Variants in COLEC10 observed in about 807,000 individuals in gnomAD.
The protein encoded by COLEC10 is collectin subfamily member 10, also known as collectin-10.
COLEC10 carries 22 observed loss-of-function variants against 28.4 expected under a neutral mutation model. That is an observed-to-expected ratio of 0.78 (90% confidence interval 0.55 to 1.11). COLEC10 has a LOEUF of 1.11. COLEC10 is among the 50% of genes least tolerant of loss of function. COLEC10 has a pLI of 0.00. For missense variants in COLEC10, 361 were observed against 344.1 expected (o/e 1.05, Z -0.39); for synonymous variants, 125 against 116.1 (o/e 1.08, Z -0.49).
the COLEC10 span, among the ~76,000 whole-genome samples, chr8:118,984,380 C>T: frequency 5.9e-5 from 9 of 152,074 alleles, no homozygotes; most frequent in Admixed American, 5.3e-4. Context: ...ACAACTATTG[C>T]GTACTAGGCT....
rs565564561 is a variant in COLEC10, at chr8:119,089,276, T to C, written c.149-404T>C. On this transcript the variant is annotated intron_variant, in intron 1 of 5. Coordinates refer to ENST00000332843, the MANE Select transcript of COLEC10 (RefSeq NM_006438.5). ...GCTTCCTAGGTCATGCCTACAATTT[T>C]GGAGTTCTCAAGCATGCAGTCAGAG... is the stretch of plus-strand genomic sequence containing the variant. Among the ~76,000 whole-genome samples the C allele has an allele frequency of 1.3e-5, 2 of 152,266 alleles. 1 individual carries two copies. Among genetic ancestry groups the C allele is most frequent in the East Asian group, 3.9e-4 (2 of 5,174 alleles).
At chr8:119,065,012 T>G (rs1203959703), upstream of COLEC10, among the ~76,000 whole-genome samples, 1 of 152,162 alleles carries the variant, frequency 6.6e-6, no homozygotes, top group Non-Finnish European at 1.5e-5. Flanking sequence ...CTGTACTGCT[T>G]ATGAAAAAAT....
chr8:118,954,712 T>A, the COLEC10 span, among the ~76,000 whole-genome samples: 1 of 152,222 alleles, frequency 6.6e-6, no homozygotes, highest in Non-Finnish European at 1.5e-5. Context: ...GGTCCCACAT[T>A]GAATAGATTT....
At chr8:119,085,340 G>C (rs1380483782) in intron 1 of COLEC10, among the ~76,000 whole-genome samples, 1 of 152,070 alleles carries the variant, frequency 6.6e-6, no homozygotes, top group Non-Finnish European at 1.5e-5. Context: ...GGTTGAGGTT[G>C]GGGAAGTAAA....
At chr8:119,105,493 T>G (rs978681226) in intron 5 of COLEC10, among the ~76,000 whole-genome samples, 2 of 152,122 alleles carry the variant, frequency 1.3e-5, no homozygotes, top group African/African-American at 4.8e-5. Context: ...AAGCATAAAC[T>G]ATGTTGGGAA....
At chr8:119,073,454 G>T (rs1815164108) in intron 1 of COLEC10, among the ~76,000 whole-genome samples, 1 of 152,030 alleles carries the variant, frequency 6.6e-6, no homozygotes, top group Admixed American at 6.5e-5. Context: ...ACAACTAGGT[G>T]TTTTCCCAAA....
rs1316108802 is a variant in COLEC10, at chr8:119,004,104, C to T, written n.123-5337C>T. ...CTTTTGGAGAAGCTCTAGGCTCAACCAATGCTTTTCATAGTAAGCAATCAA... is the reference window on the plus strand; with the variant it reads ...CTTTTGGAGAAGCTCTAGGCTCAACTAATGCTTTTCATAGTAAGCAATCAA... On this transcript the variant is annotated intron_variant and non_coding_transcript_variant, in intron 1 of 6. Coordinates refer to the COLEC10 transcript ENST00000521788. 2.0e-5 allele frequency among the ~76,000 whole-genome samples: 3 copies of T among 152,106 alleles called. No individual in the cohort carries two copies. The East Asian group carries it at 5.8e-4, about 29-fold the overall frequency.
chr8:119,102,492 G>A (rs1815856941), intron 4 of COLEC10, 91 bp downstream of exon 4: 6 of 1,094,342 alleles, frequency 5.5e-6, no homozygotes, highest in African/African-American at 1.6e-5. Flanking sequence ...AAAAGCAAGA[G>A]TCCTTTTAGT....
chr8:118,963,905 G>A, the COLEC10 span, among the ~76,000 whole-genome samples: 75,425 of 151,928 alleles, frequency 0.5, 19,189 homozygotes, highest in Middle Eastern at 0.66. Flanking sequence ...CATGGAGGGA[G>A]CAACGAAATG....
At chr8:118,963,636 C>A in the COLEC10 span, among the ~76,000 whole-genome samples, 5 of 152,162 alleles carry the variant, frequency 3.3e-5, no homozygotes, top group Non-Finnish European at 5.9e-5. Flanking sequence ...TCGAAATATC[C>A]TTTTCATAGT....
At chr8:119,070,160 C>T (rs563947613) in intron 1 of COLEC10, among the ~76,000 whole-genome samples, 2 of 152,130 alleles carry the variant, frequency 1.3e-5, no homozygotes, top group Non-Finnish European at 2.9e-5. Context: ...CATGTTGTTA[C>T]ATCTGTTACA....
chr8:119,013,999 C>T lies in COLEC10; in HGVS notation n.235+4446C>T, dbSNP rs191494334. Among the ~76,000 whole-genome samples, 8 of 150,554 alleles carry T rather than the reference C, an allele frequency of 5.3e-5. No homozygotes were observed. In the East Asian group the frequency reaches 1.6e-3, roughly 29 times the overall value. Reference sequence around the variant, plus strand: ...TCTCCCTTCCTTTTTTGTATTATTGCTCTCATTAATATCACTCACACACAA... The same window carrying T: ...TCTCCCTTCCTTTTTTGTATTATTGTTCTCATTAATATCACTCACACACAA... On this transcript the variant is annotated intron_variant and non_coding_transcript_variant, in intron 2 of 6. Transcript: ENST00000521788.
Position 119,067,379 on chromosome 8 carries a change from G to A in COLEC10, c.98G>A (p.Arg33His), listed in dbSNP as rs138260433. The A allele has an allele frequency of 4.2e-4, 683 of 1,613,932 alleles. 2 individuals are homozygous for A. In the East Asian group the frequency reaches 5.2e-3, roughly 12 times the overall value. Residue 33 changes from arginine to histidine, a missense_variant, in exon 1 of 6, where the codon CGT becomes CAT. This residue lies in a region of COLEC10 where 335 missense variants were observed against 308.5 expected (regional missense o/e 1.09). Coordinates refer to ENST00000332843, the MANE Select transcript of COLEC10 (RefSeq NM_006438.5). The stretch of plus-strand genomic sequence containing the variant: ...AGTCTGGGTCTGGATATTGATAGCC[G>A]TCCTACCGCTGAAGTCTGTGCCACA... ...IQSLGLDIDS[R>H]PTAEVCATHT...
chr8:118,962,279 G>A, the COLEC10 span, among the ~76,000 whole-genome samples: 1 of 152,158 alleles, frequency 6.6e-6, no homozygotes, highest in African/African-American at 2.4e-5. Flanking sequence ...GTATTCCAGG[G>A]AGGAATAGTG....
chr8:119,101,054 A>G (rs1381169255), intron 3 of COLEC10, among the ~76,000 whole-genome samples: 2 of 152,184 alleles, frequency 1.3e-5, no homozygotes, highest in African/African-American at 4.8e-5. Context: ...GGGTGTCCTC[A>G]GCGCATGCAA....
intron 2 of COLEC10, among the ~76,000 whole-genome samples, chr8:119,055,015 C>A (rs1340849552): frequency 3.3e-5 from 5 of 152,020 alleles, no homozygotes; most frequent in Non-Finnish European, 5.9e-5. Context: ...TGTGAATTAT[C>A]TAAAACATAA....
At chr8:119,100,573 A>T (rs1454022485) in intron 3 of COLEC10, among the ~76,000 whole-genome samples, 1 of 152,186 alleles carries the variant, frequency 6.6e-6, no homozygotes, top group Non-Finnish European at 1.5e-5. Flanking sequence ...TCCCAACTAT[A>T]TCCTCTGCTG....
chr8:119,055,668 G>A (rs1330848013), intron 2 of COLEC10, among the ~76,000 whole-genome samples: 1 of 152,008 alleles, frequency 6.6e-6, no homozygotes, highest in East Asian at 1.9e-4. Context: ...TCATGTGTTA[G>A]AGCTGACTAC....
the COLEC10 span, among the ~76,000 whole-genome samples, chr8:118,974,791 C>T: frequency 6.6e-6 from 1 of 152,010 alleles, no homozygotes; most frequent in Admixed American, 6.6e-5. Context: ...AAAAAGTTAT[C>T]CAACCTTATC....
Sources: allele counts gnomAD v4.1 joint callset (sites outside exome capture counted in the v4.1 genomes callset), GRCh38; gene constraint gnomAD v4.1.1; regional missense constraint gnomAD v4.1.1; transcripts MANE v1.5; gene names NCBI Gene and HGNC (gene_info 2026-07-23, HGNC 2026-07-21).